ANGPT1: variants seen among roughly 807,000 people sequenced by gnomAD.
ANGPT1 encodes the protein angiopoietin 1.
In ANGPT1, 17 loss-of-function variants were observed where a neutral mutation model predicts 62.2. The observed-to-expected ratio is 0.27, with a 90% CI of 0.19 to 0.41. ANGPT1 has a LOEUF of 0.41. Among genes scored for constraint, ANGPT1 ranks in the 10% least tolerant of loss-of-function variants. The pLI is 1.00. For synonymous variants in ANGPT1, 199 were observed against 198.9 expected (o/e 1.00, Z 0.00); for missense variants, 478 against 594.9 (o/e 0.80, Z 2.04).
intron 1 of ANGPT1, among the ~76,000 whole-genome samples, chr8:107,456,917 T>G (rs1811935116): frequency 6.6e-6 from 1 of 152,232 alleles, no homozygotes; most frequent in African/African-American, 2.4e-5. Context: ...GTTCCTGTCC[T>G]TACACTCTTC....
At chr8:107,294,207 A>G (rs1006698437) in intron 5 of ANGPT1, 170 bp from the exon 6 acceptor site, 8 of 459,790 alleles carry the variant, frequency 1.7e-5, no homozygotes, top group African/African-American at 1.6e-4. Flanking sequence ...TCTTCCTCTG[A>G]TTCATATTTG....
chr8:107,359,663 A>G (rs1305883581), intron 1 of ANGPT1, among the ~76,000 whole-genome samples: 2 of 152,162 alleles, frequency 1.3e-5, no homozygotes, highest in African/African-American at 4.8e-5. Flanking sequence ...TTACAAACAA[A>G]CAAAAACCAT....
At chr8:107,370,938 C>T (rs959581949) in intron 1 of ANGPT1, among the ~76,000 whole-genome samples, 3 of 148,416 alleles carry the variant, frequency 2.0e-5, no homozygotes, top group Non-Finnish European at 4.5e-5. Flanking sequence ...TAGACTTGCT[C>T]GACACAGGGT....
At chr8:107,417,720 C>G (rs1324678590) in intron 1 of ANGPT1, among the ~76,000 whole-genome samples, 1 of 152,136 alleles carries the variant, frequency 6.6e-6, no homozygotes, top group Non-Finnish European at 1.5e-5. Context: ...ATCTGAAGGG[C>G]ATATTACTTT....
At chr8:107,270,844 G>A (rs909594017) in intron 7 of ANGPT1, among the ~76,000 whole-genome samples, 1 of 152,116 alleles carries the variant, frequency 6.6e-6, no homozygotes, top group Admixed American at 6.6e-5. Flanking sequence ...AGAAATGTTT[G>A]AAAGAAGTTT....
chr8:107,463,511 C>T (rs116704048), intron 1 of ANGPT1, among the ~76,000 whole-genome samples: 1 of 152,082 alleles, frequency 6.6e-6, no homozygotes, highest in African/African-American at 2.4e-5. Context: ...TCCAGTTCAT[C>T]TAGGATCAAC....
At chr8:107,254,009 C>T (rs1586160798) in intron 8 of ANGPT1, among the ~76,000 whole-genome samples, 2 of 152,006 alleles carry the variant, frequency 1.3e-5, no homozygotes, top group African/African-American at 2.4e-5. Flanking sequence ...AGCAAATCAC[C>T]CAGTGTTTTG....
Position 107,357,920 on chromosome 8 carries a change from AC to A in ANGPT1, c.298-10824del, listed in dbSNP as rs538502156. Among the ~76,000 whole-genome samples, 283 of 152,216 alleles carry A rather than the reference AC, an allele frequency of 1.9e-3. 2 individuals are homozygous for A. The highest frequency in any genetic ancestry group is 6.6e-3 in the African/African-American group (275 of 41,558). ...AAATCCTTCACTGTTCAACACTCTG[AC>A]TTTTTAGGCTGTTATTACCTTTTCA... On this transcript the variant is annotated intron_variant, in intron 1 of 8. Transcript: ENST00000517746.
At chr8:107,324,109 C>T (rs17368715) in intron 3 of ANGPT1, among the ~76,000 whole-genome samples, 29,355 of 148,328 alleles carry the variant, frequency 0.2, 3,255 homozygotes, top group East Asian at 0.34. Context: ...GTGGTTGTTA[C>T]GAGTTCAATT....
intron 1 of ANGPT1, among the ~76,000 whole-genome samples, chr8:107,377,195 CA>C (rs936841809): frequency 2.6e-5 from 4 of 152,232 alleles, no homozygotes; most frequent in South Asian, 2.1e-4. Flanking sequence ...TTGGCACACA[CA>C]AAAAATTCTA....
intron 1 of ANGPT1, among the ~76,000 whole-genome samples, chr8:107,437,920 C>A (rs1213884889): frequency 6.6e-6 from 1 of 152,182 alleles, no homozygotes; most frequent in Non-Finnish European, 1.5e-5. Context: ...TTTACCTGAA[C>A]AGCAGAACCT....
intron 1 of ANGPT1, among the ~76,000 whole-genome samples, chr8:107,480,931 G>A (rs1202201033): frequency 1.3e-5 from 2 of 152,176 alleles, no homozygotes; most frequent in Non-Finnish European, 2.9e-5. Flanking sequence ...GAGTGGACCA[G>A]TCAAAAGCAA....
At chr8:107,312,246 A>T (rs1235154891) in intron 4 of ANGPT1, among the ~76,000 whole-genome samples, 1 of 152,152 alleles carries the variant, frequency 6.6e-6, no homozygotes. Context: ...TTTGTTCAGG[A>T]GCTCATTTTA....
chr8:107,387,845 T>C (rs1816761126), intron 1 of ANGPT1, among the ~76,000 whole-genome samples: 1 of 152,034 alleles, frequency 6.6e-6, no homozygotes, highest in Admixed American at 6.6e-5. Flanking sequence ...TGTTCTTTAC[T>C]TTTCCCCACA....
At chr8:107,360,716 C>G (rs2514852) in intron 1 of ANGPT1, among the ~76,000 whole-genome samples, 35,167 of 151,912 alleles carry the variant, frequency 0.23, 5,070 homozygotes, top group African/African-American at 0.39. Context: ...CATCATTAAG[C>G]GGGAAATGAA....
At chr8:107,486,429 G>A (rs1361186112) in intron 1 of ANGPT1, among the ~76,000 whole-genome samples, 1 of 152,070 alleles carries the variant, frequency 6.6e-6, no homozygotes, top group African/African-American at 2.4e-5. Flanking sequence ...CCTCACATTG[G>A]CTTTTGAGGT....
chr8:107,260,965 A>G (rs779821903), intron 8 of ANGPT1, among the ~76,000 whole-genome samples: 1 of 152,090 alleles, frequency 6.6e-6, no homozygotes, highest in Non-Finnish European at 1.5e-5. Flanking sequence ...TCTTTGCTTC[A>G]CTCCATATTT....
intron 1 of ANGPT1, among the ~76,000 whole-genome samples, chr8:107,459,114 C>T (rs1448126088): frequency 6.6e-6 from 1 of 152,176 alleles, no homozygotes; most frequent in Non-Finnish European, 1.5e-5. Flanking sequence ...TCAACTCCTA[C>T]TCTCTTACTC....
chr8:107,307,861 A>G (rs1056085235), intron 4 of ANGPT1, among the ~76,000 whole-genome samples: 1 of 152,146 alleles, frequency 6.6e-6, no homozygotes, highest in Non-Finnish European at 1.5e-5. Context: ...CCTGTTGGGC[A>G]GTCCTTCCTG....
Sources: gnomAD v4.1 joint callset for allele counts (sites outside exome capture counted in the v4.1 genomes callset) on GRCh38, gnomAD v4.1.1 for gene constraint, MANE v1.5 for transcripts, NCBI Gene and HGNC (gene_info 2026-07-23, HGNC 2026-07-21) for gene names.